ARHGEF38: variants seen among roughly 807,000 people sequenced by gnomAD.
ARHGEF38 encodes Rho guanine nucleotide exchange factor 38.
A neutral mutation model predicts 79.9 loss-of-function variants in ARHGEF38; 79 were observed. The ratio of observed to expected loss-of-function variants is 0.99; its 90% CI spans 0.82 to 1.19. ARHGEF38 has a LOEUF of 1.19. Among genes scored for constraint, ARHGEF38 ranks in the 50% most tolerant of loss-of-function variants. The pLI, the probability that ARHGEF38 is intolerant of heterozygous loss-of-function variation, is 0.00. For synonymous variants in ARHGEF38, 366 were observed against 328.3 expected (o/e 1.11, Z -1.24); for missense variants, 962 against 907.2 (o/e 1.06, Z -0.78).
At chr4:105,670,470 TA>T (rs879853626) in intron 13 of ARHGEF38, among the ~76,000 whole-genome samples, 3 of 151,986 alleles carry the variant, frequency 2.0e-5, no homozygotes, top group East Asian at 1.9e-4. Flanking sequence ...TTTGCCTATT[TA>T]AAAAAAACTG....
chr4:105,576,659 T>TTGG (rs1726516842), intron 1 of ARHGEF38, among the ~76,000 whole-genome samples: 1 of 152,174 alleles, frequency 6.6e-6, no homozygotes. Flanking sequence ...TGGATCCCCT[T>TTGG]ATTTTCTTCT....
intron 1 of ARHGEF38, among the ~76,000 whole-genome samples, chr4:105,569,125 C>T (rs564998759): frequency 1.2e-4 from 18 of 152,294 alleles, no homozygotes; most frequent in African/African-American, 4.3e-4. Context: ...TGTACTTTAG[C>T]AGGACACAGC....
chr4:105,637,311 A>G (rs1729437192), intron 5 of ARHGEF38, among the ~76,000 whole-genome samples: 1 of 152,190 alleles, frequency 6.6e-6, no homozygotes, highest in South Asian at 2.1e-4. Flanking sequence ...CAGGCATCAT[A>G]CAGATCTGTA....
intron 9 of ARHGEF38, among the ~76,000 whole-genome samples, chr4:105,658,076 C>G (rs1249159671): frequency 6.6e-6 from 1 of 152,108 alleles, no homozygotes; most frequent in Non-Finnish European, 1.5e-5. Flanking sequence ...CTATGAAGTT[C>G]ATTTTCAATG....
intron 2 of ARHGEF38, among the ~76,000 whole-genome samples, chr4:105,590,002 C>G (rs1727248101): frequency 6.8e-6 from 1 of 146,194 alleles, no homozygotes; most frequent in Admixed American, 7.0e-5. Flanking sequence ...CGCGCCATTG[C>G]ACTGCAGCCT....
chr4:105,607,575 G>T (rs961993402), intron 2 of ARHGEF38, among the ~76,000 whole-genome samples: 1 of 152,134 alleles, frequency 6.6e-6, no homozygotes, highest in African/African-American at 2.4e-5. Flanking sequence ...AAATATTTCT[G>T]ATAAATAGAA....
intron 10 of ARHGEF38, 86 bp from the exon 11 acceptor site, chr4:105,666,091 A>G: frequency 8.0e-7 from 1 of 1,250,298 alleles, no homozygotes; most frequent in Non-Finnish European, 1.0e-6. Flanking sequence ...ATACCTCCTC[A>G]ACTGTTCATC....
chr4:105,648,525 C>T (rs1038631260), intron 6 of ARHGEF38, 24 bp from the exon 7 acceptor site: 47 of 1,480,294 alleles, frequency 3.2e-5, no homozygotes, highest in South Asian at 1.8e-4. Flanking sequence ...TGTTCAGCTA[C>T]GTTATTACAT....
At chr4:105,633,132 G>C (rs960729663) in intron 4 of ARHGEF38, 4 of 152,480 alleles carry the variant, frequency 2.6e-5, no homozygotes, top group Admixed American at 6.6e-5. Flanking sequence ...AACAGTTGCA[G>C]GCACTGGAAG....
At chr4:105,606,323 G>A (rs1728039023) in intron 2 of ARHGEF38, among the ~76,000 whole-genome samples, 1 of 151,990 alleles carries the variant, frequency 6.6e-6, no homozygotes, top group South Asian at 2.1e-4. Flanking sequence ...AAGCAGTGCT[G>A]TTTATTTTCT....
chr4:105,578,234 G>C (rs1275582884), intron 1 of ARHGEF38, among the ~76,000 whole-genome samples: 2 of 152,108 alleles, frequency 1.3e-5, no homozygotes, highest in Non-Finnish European at 2.9e-5. Flanking sequence ...GTATAGCTAT[G>C]GGGGTTCCTT....
rs976458824 is a variant in ARHGEF38, at chr4:105,678,474, A to G, written c.*537A>G. On this transcript the variant is annotated 3_prime_UTR_variant, in exon 14 of 14. Transcript: ENST00000420470. ...CAAATATACATAAGAAGAATATACCACCAACTAGAAGTCTTTGATAATATA... is the reference window on the plus strand; with the variant it reads ...CAAATATACATAAGAAGAATATACCGCCAACTAGAAGTCTTTGATAATATA... 6.6e-6 allele frequency: 1 copy of G among 150,676 alleles called. No homozygotes were observed. The highest frequency in any genetic ancestry group is 2.5e-5 in the African/African-American group (1 of 40,662). 9.3% of individuals were successfully genotyped at this position (150,676 alleles called of 1,614,324 possible).
intron 2 of ARHGEF38, among the ~76,000 whole-genome samples, chr4:105,608,250 A>T (rs1728138904): frequency 6.6e-6 from 1 of 152,090 alleles, no homozygotes; most frequent in Non-Finnish European, 1.5e-5. Flanking sequence ...TCTTTTTAAC[A>T]GTAGTCATTC....
At chr4:105,667,070 C>A (rs902018667) in intron 11 of ARHGEF38, 59 bp from the exon 12 acceptor site, 3 of 1,357,158 alleles carry the variant, frequency 2.2e-6, no homozygotes, top group Admixed American at 2.6e-5. Context: ...TATTTACCAA[C>A]TCCATGAGGA....
chr4:105,574,734 A>T (rs1726406527), intron 1 of ARHGEF38, among the ~76,000 whole-genome samples: 1 of 151,920 alleles, frequency 6.6e-6, no homozygotes, highest in African/African-American at 2.4e-5. Context: ...AAAATTTTTT[A>T]TTTCTATAGC....
chr4:105,565,042 G>A (rs1310704494), intron 1 of ARHGEF38, among the ~76,000 whole-genome samples: 5 of 152,160 alleles, frequency 3.3e-5, no homozygotes, highest in Non-Finnish European at 4.4e-5. Context: ...GATCACTGTC[G>A]GAGCCTGTAA....
At chr4:105,652,143 T>C (rs1340065943) in intron 7 of ARHGEF38, among the ~76,000 whole-genome samples, 2 of 152,192 alleles carry the variant, frequency 1.3e-5, no homozygotes, top group Non-Finnish European at 2.9e-5. Context: ...GTGGATTCTA[T>C]CAATAAAGGG....
In ARHGEF38 at chr4:105,662,168, T is replaced by C. The variant is rs574593338; in HGVS notation, c.1545+2803T>C. ...TAATTTGCATTTCTTTAAGTATTAGTGAGATTGAGAGTCTTCACATATGAG... is the reference window on the plus strand; with the variant it reads ...TAATTTGCATTTCTTTAAGTATTAGCGAGATTGAGAGTCTTCACATATGAG... On this transcript the variant is annotated intron_variant, in intron 10 of 13. Transcript: ENST00000420470. Among the ~76,000 whole-genome samples, 4 of 152,260 alleles carry C rather than the reference T, an allele frequency of 2.6e-5. No homozygotes were observed. In the South Asian group the frequency reaches 8.3e-4, roughly 32 times the overall value.
At chr4:105,649,663 C>T (rs575880710) in intron 7 of ARHGEF38, among the ~76,000 whole-genome samples, 41 of 152,134 alleles carry the variant, frequency 2.7e-4, no homozygotes, top group Admixed American at 8.5e-4. Flanking sequence ...CAAGAGGCAG[C>T]TGTATGGTGG....
Sources: allele counts gnomAD v4.1 joint callset (sites outside exome capture counted in the v4.1 genomes callset), GRCh38; gene constraint gnomAD v4.1.1; transcripts MANE v1.5; gene names NCBI Gene and HGNC (gene_info 2026-07-23, HGNC 2026-07-21).